The following CAMTA1 variants were observed in gnomAD, a reference collection of about 807,000 sequenced individuals.
CAMTA1 encodes the protein calmodulin binding transcription activator 1.
In CAMTA1, 27 loss-of-function variants were observed where a neutral mutation model predicts 170.9. That is an observed-to-expected ratio of 0.16 (90% CI 0.12 to 0.22). CAMTA1 has a LOEUF of 0.22. Among genes scored for constraint, CAMTA1 ranks in the 10% least tolerant of loss-of-function variants. CAMTA1 has a pLI of 1.00. For synonymous variants in CAMTA1, 833 were observed against 891.5 expected (o/e 0.93, Z 1.17); for missense variants, 1,619 against 2,217.2 (o/e 0.73, Z 5.42).
chr1:7,584,996 T>C lies in CAMTA1; in HGVS notation c.511-55404T>C, dbSNP rs76327783. On this transcript the variant is annotated intron_variant, in intron 6 of 22. Coordinates refer to ENST00000303635, the MANE Select transcript of CAMTA1 (RefSeq NM_015215.4). ...GAAACAGAATATGGTACATAGACCA[T>C]ATATTATGTAATGTCCCCGGCGGGA... Among the ~76,000 whole-genome samples the C allele has an allele frequency of 3.5e-3, 529 of 152,312 alleles. 1 individual carries two copies. Among genetic ancestry groups the C allele is most frequent in the African/African-American group, 0.012 (499 of 41,570 alleles).
intron 1 of CAMTA1, among the ~76,000 whole-genome samples, chr1:6,798,930 A>C (rs890069525): frequency 6.6e-6 from 1 of 152,088 alleles, no homozygotes; most frequent in Non-Finnish European, 1.5e-5. Context: ...TCTAACCCTG[A>C]ACCAATCAGT....
rs1227651284 is a variant in CAMTA1, at chr1:7,565,049, G to T, written c.511-75351G>T. On this transcript the variant is annotated intron_variant, in intron 6 of 22. Transcript: ENST00000303635. The surrounding 1 kb of genome is among the most constrained non-coding windows in gnomAD (Gnocchi z 4.5). ...TGGGGGGTGGGAGCAGAAGGGCAAG[G>T]CCCCTCAGGGAGGTGAGGGACCCAA... is the stretch of plus-strand genomic sequence containing the variant. Among the ~76,000 whole-genome samples the T allele has an allele frequency of 1.3e-5, 2 of 151,918 alleles. No homozygotes were observed. The highest frequency in any genetic ancestry group is 4.8e-5 in the African/African-American group (2 of 41,336).
chr1:7,411,849 C>T (rs958391819), intron 5 of CAMTA1, among the ~76,000 whole-genome samples: 2 of 151,778 alleles, frequency 1.3e-5, no homozygotes, highest in African/African-American at 2.4e-5. Context: ...TGTTGGTGTA[C>T]TGCAACCATT....
chr1:7,238,647 G>A (rs981571858), intron 4 of CAMTA1, among the ~76,000 whole-genome samples: 1 of 152,230 alleles, frequency 6.6e-6, no homozygotes, highest in African/African-American at 2.4e-5. Context: ...ACTTTGGGAG[G>A]CCAAGGCAGG....
At chr1:7,502,770 A>G (rs2094029016) in intron 6 of CAMTA1, among the ~76,000 whole-genome samples, 1 of 152,202 alleles carries the variant, frequency 6.6e-6, no homozygotes, top group African/African-American at 2.4e-5. Context: ...AAGAATAGAA[A>G]TGGCCTCGCT....
chr1:7,044,807 C>G lies in CAMTA1; in HGVS notation c.235-46497C>G, dbSNP rs571103070. On this transcript the variant is annotated intron_variant, in intron 3 of 22. Transcript: ENST00000303635. The surrounding 1 kb of genome is among the most constrained non-coding windows in gnomAD (Gnocchi z 5.0). ...TCTTTCCCCCTCACGTCCTCTCCCC[C>G]ACTCCCTCCTCTTCCCGCCTGTGGT... Among the ~76,000 whole-genome samples the G allele has an allele frequency of 2.0e-5, 3 of 151,172 alleles. No homozygotes were observed. The highest frequency in any genetic ancestry group is 4.4e-5 in the Non-Finnish European group (3 of 67,816).
chr1:7,489,432 A>G (rs1339247152), intron 6 of CAMTA1, among the ~76,000 whole-genome samples: 1 of 152,118 alleles, frequency 6.6e-6, no homozygotes, highest in Non-Finnish European at 1.5e-5. Context: ...GATGTGTGCC[A>G]TTGGCATGCA....
chr1:6,979,881 CT>C, intron 3 of CAMTA1, among the ~76,000 whole-genome samples: 1 of 152,176 alleles, frequency 6.6e-6, no homozygotes, highest in Non-Finnish European at 1.5e-5. Context: ...GTGTGCAACA[CT>C]GTCCCCTCAT....
At chr1:7,670,833 A>C (rs956580736) in intron 9 of CAMTA1, 78 bp from the exon 10 acceptor site, 6 of 1,537,298 alleles carry the variant, frequency 3.9e-6, no homozygotes, top group Non-Finnish European at 5.4e-6. Context: ...TGAGCAGTGA[A>C]GCCTCAGGGG....
At chr1:7,346,541 C>T (rs936480484) in intron 5 of CAMTA1, among the ~76,000 whole-genome samples, 1 of 152,220 alleles carries the variant, frequency 6.6e-6, no homozygotes, top group East Asian at 1.9e-4. Context: ...CCTGCAAGCT[C>T]AGCCCATAAG....
intron 6 of CAMTA1, among the ~76,000 whole-genome samples, chr1:7,521,363 A>C (rs766775675): frequency 6.6e-6 from 1 of 152,178 alleles, no homozygotes; most frequent in Non-Finnish European, 1.5e-5. Context: ...AGTTTCCCCC[A>C]GTGGTAACAT....
chr1:7,737,003 T>G lies in CAMTA1; in HGVS notation c.3336T>G (p.Thr1112=), dbSNP rs932762482. The G allele has an allele frequency of 6.2e-7, 1 of 1,609,592 alleles. No homozygotes were observed. The highest frequency in any genetic ancestry group is 1.3e-5 in the African/African-American group (1 of 74,818). The change falls in exon 14 of 23, where the codon ACT becomes ACG. Residue 1112 remains threonine (T), a synonymous_variant. Coordinates refer to ENST00000303635, the MANE Select transcript of CAMTA1 (RefSeq NM_015215.4). ...TGAATGTGGACCACTTCTCCTGTAC[T>G]CCTCTGGTAAGGAATGGATTCCTGT... ...DPLNVDHFSC[T]PLMWACALGH... is the part of the protein sequence containing the mutation.
intron 3 of CAMTA1, among the ~76,000 whole-genome samples, chr1:6,930,782 T>C (rs979731463): frequency 2.0e-5 from 3 of 152,198 alleles, no homozygotes; most frequent in African/African-American, 7.2e-5. Flanking sequence ...GCTCATTGGC[T>C]CTGCATGAGG....
At chr1:7,352,521 G>A (rs115637636) in intron 5 of CAMTA1, among the ~76,000 whole-genome samples, 10 of 152,306 alleles carry the variant, frequency 6.6e-5, no homozygotes, top group South Asian at 2.1e-4. Flanking sequence ...TGTGTGTGGC[G>A]TGTGTCTCTG....
In CAMTA1 at chr1:7,455,262, C is replaced by T. The variant is rs187608068; in HGVS notation, c.439-12568C>T. On this transcript the variant is annotated intron_variant, in intron 5 of 22. Coordinates refer to ENST00000303635, the MANE Select transcript of CAMTA1 (RefSeq NM_015215.4). This position sits in a 1 kb window ranked among gnomAD's most constrained non-coding sequence, Gnocchi z 5.0. ...CGTGTGTGTTTCCGACACTGGCTCCCAGGTGGAAGGCCTGATGCCGCCCTG... is the reference window on the plus strand; with the variant it reads ...CGTGTGTGTTTCCGACACTGGCTCCTAGGTGGAAGGCCTGATGCCGCCCTG... 2.1e-3 allele frequency among the ~76,000 whole-genome samples: 319 copies of T among 152,330 alleles called. 4 individuals are homozygous for T. Among genetic ancestry groups the T allele is most frequent in the African/African-American group, 7.4e-3 (308 of 41,582 alleles).
At chr1:6,889,982 A>G (rs1257314331) in intron 3 of CAMTA1, among the ~76,000 whole-genome samples, 3 of 152,310 alleles carry the variant, frequency 2.0e-5, no homozygotes, top group Admixed American at 2.0e-4. Flanking sequence ...TTAGCACTTC[A>G]TTGATTTGAA....
chr1:7,311,923 C>T (rs777414903), intron 5 of CAMTA1, among the ~76,000 whole-genome samples: 10 of 152,166 alleles, frequency 6.6e-5, no homozygotes, highest in Non-Finnish European at 1.2e-4. Flanking sequence ...TTCTCAAAGT[C>T]TTTGGCATGC....
chr1:6,837,462 G>A (rs752905873), intron 3 of CAMTA1, among the ~76,000 whole-genome samples: 2 of 152,098 alleles, frequency 1.3e-5, no homozygotes, highest in Admixed American at 6.6e-5. Context: ...GAAAACACTC[G>A]CATATATTTA....
At position 7,680,243 on chromosome 1, in the gene CAMTA1, T is replaced by C; in HGVS notation, c.2914+2510T>C. 4.2e-6 allele frequency: 1 copy of C among 239,228 alleles called. No homozygotes were observed. The highest frequency in any genetic ancestry group is 3.4e-5 in the South Asian group (1 of 29,016). The allele number at this position is 239,228 out of a possible 1,614,324, so 14.8% of individuals were successfully genotyped here. Reference sequence around the variant, plus strand: ...GAGCCTTCCGTTCCCCGCCTGTCCCTCCCGGCCCCTCCCCTCGGTCTCCGC... The same window carrying C: ...GAGCCTTCCGTTCCCCGCCTGTCCCCCCCGGCCCCTCCCCTCGGTCTCCGC... On this transcript the variant is annotated intron_variant, in intron 11 of 22. Transcript: ENST00000303635. The surrounding 1 kb of genome is among the most constrained non-coding windows in gnomAD (Gnocchi z 4.4).
Sources: gnomAD v4.1 joint callset for allele counts (sites outside exome capture counted in the v4.1 genomes callset) on GRCh38, gnomAD v4.1.1 for gene constraint, Gnocchi (gnomAD v3.1) non-coding constraint, MANE v1.5 for transcripts, NCBI Gene and HGNC (gene_info 2026-07-23, HGNC 2026-07-21) for gene names.